Variants in KANSL1 observed in about 807,000 individuals in gnomAD.
KANSL1 encodes the protein KAT8 regulatory NSL complex subunit 1.
In KANSL1, 22 loss-of-function variants were observed where a neutral mutation model predicts 103.6. The ratio of observed to expected loss-of-function variants is 0.21; its 90% CI spans 0.15 to 0.30. The LOEUF (loss-of-function observed/expected upper bound fraction) is 0.30, where lower values mean the gene tolerates loss of function less well. KANSL1 is among the 10% of genes least tolerant of loss of function. KANSL1 has a pLI of 1.00. For synonymous variants in KANSL1, 600 were observed against 527.6 expected, an observed-to-expected ratio of 1.14 and a Z score of -1.88; for missense variants, 1,337 against 1,399.8, an observed-to-expected ratio of 0.96 and a Z score of 0.72.
At chr17:46,073,950 G>A (rs1361570079) in intron 4 of KANSL1, among the ~76,000 whole-genome samples, 2 of 151,984 alleles carry the variant, frequency 1.3e-5, no homozygotes, top group African/African-American at 2.4e-5. Context: ...ATGAACTTAC[G>A]GTTTTTTATA....
rs117412152 is a variant in KANSL1, at chr17:46,066,647, C to G, written c.1738G>C (p.Val580Leu). ...CAGGTGCCATCAGATGATGAAGAGACGAGATTCAGTCGTTGCTTCTTATGT... is the reference window on the plus strand; with the variant it reads ...CAGGTGCCATCAGATGATGAAGAGAGGAGATTCAGTCGTTGCTTCTTATGT... The part of the protein sequence containing the change: ...QLHKKQRLNL[V>L]SSSSDGTCVA... The change falls in exon 6 of 15, where the codon GTC becomes CTC. Residue 580 changes from valine (V) to leucine (L), a missense_variant. Transcript: ENST00000432791. 1.2e-6 allele frequency: 2 copies of G among 1,614,148 alleles called. No individual in the cohort carries two copies. Among genetic ancestry groups the G allele is most frequent in the Non-Finnish European group, 1.7e-6 (2 of 1,180,008 alleles).
Position 46,106,142 on chromosome 17 carries a change from G to GA in KANSL1, c.1290-11442dup, listed in dbSNP as rs1163942774. On this transcript the variant is annotated intron_variant, in intron 2 of 14. Coordinates refer to ENST00000432791, the MANE Select transcript of KANSL1 (RefSeq NM_015443.4). ...CTCACTTTGAAAATACGGTTTATTG[G>GA]AAAAGAGTATGGTGTCTGGAGTCAG... is the stretch of plus-strand genomic sequence containing the variant. Among the ~76,000 whole-genome samples, 5 of 152,304 alleles carry GA rather than the reference G, an allele frequency of 3.3e-5. No homozygotes were observed. In the East Asian group the frequency reaches 7.7e-4, roughly 24 times the overall value.
In KANSL1 at chr17:46,094,652, T is replaced by G. The variant is rs1394776124; in HGVS notation, c.1339A>C (p.Ser447Arg). 1 of 1,614,216 alleles carries G rather than the reference T, an allele frequency of 6.2e-7. No individual in the cohort carries two copies. Among genetic ancestry groups the G allele is most frequent in the Non-Finnish European group, 8.5e-7 (1 of 1,180,050 alleles). Residue 447 changes from serine to arginine, a missense_variant, in exon 3 of 15, where the codon AGC becomes CGC. Around this residue, in one of 2 missense-constraint regions of KANSL1, gnomAD observed 780 missense variants for 923.4 expected, o/e 0.84. Transcript: ENST00000432791. ...KWAADRAAIV[S>R]RWNWLQAHVS... The stretch of plus-strand genomic sequence containing the variant: ...TGAGCCTGAAGCCAGTTCCAGCGGC[T>G]GACAATAGCTGCCCGGTCTGCAGCC...
At chr17:46,152,395 A>G (rs1403484603) in intron 2 of KANSL1, among the ~76,000 whole-genome samples, 1 of 152,278 alleles carries the variant, frequency 6.6e-6, no homozygotes, top group East Asian at 1.9e-4. Context: ...ACTATCAAGA[A>G]AACAACAGAA....
At chr17:46,050,426 G>T (rs2077671920) in intron 7 of KANSL1, 107 bp downstream of exon 7, 1 of 1,161,678 alleles carries the variant, frequency 8.6e-7, no homozygotes, top group Non-Finnish European at 1.2e-6. Context: ...GACGAAAGTT[G>T]TACCTTGAAA....
chr17:46,219,894 G>C (rs2048468383), intron 1 of KANSL1, among the ~76,000 whole-genome samples: 1 of 152,142 alleles, frequency 6.6e-6, no homozygotes, highest in Admixed American at 6.5e-5. Flanking sequence ...ATGAGGTCAG[G>C]AGATCGAGAC....
At chr17:46,130,007 GA>G (rs1473277858) in intron 2 of KANSL1, among the ~76,000 whole-genome samples, 2 of 151,962 alleles carry the variant, frequency 1.3e-5, no homozygotes, top group African/African-American at 4.8e-5. Flanking sequence ...GCAACATGGT[GA>G]AATCCCATCT....
chr17:46,218,429 G>C (rs2942186), intron 1 of KANSL1, among the ~76,000 whole-genome samples: 1 of 152,152 alleles, frequency 6.6e-6, no homozygotes, highest in Non-Finnish European at 1.5e-5. Context: ...AGCTTACCCA[G>C]TATCACATAG....
chr17:46,113,965 A>G (rs530183518), intron 2 of KANSL1, among the ~76,000 whole-genome samples: 1 of 152,358 alleles, frequency 6.6e-6, no homozygotes, highest in Admixed American at 6.5e-5. Flanking sequence ...CAATTTTTAA[A>G]TGAGTAAAAT....
At chr17:46,209,948 A>G (rs1443768482) in intron 1 of KANSL1, among the ~76,000 whole-genome samples, 2 of 152,226 alleles carry the variant, frequency 1.3e-5, no homozygotes, top group Non-Finnish European at 2.9e-5. Context: ...CTTCTGACAT[A>G]TTAGGTACTC....
chr17:46,039,345 C>A (rs946085954), intron 8 of KANSL1, 130 bp from the exon 9 acceptor site: 2 of 832,050 alleles, frequency 2.4e-6, no homozygotes, highest in Non-Finnish European at 3.6e-6. Flanking sequence ...TCCTTCAGGA[C>A]TGAAGTTTCT....
chr17:46,136,150 A>G (rs573221898), intron 2 of KANSL1, among the ~76,000 whole-genome samples: 1 of 152,312 alleles, frequency 6.6e-6, no homozygotes, highest in African/African-American at 2.4e-5. Context: ...AAAACTCTAT[A>G]TGCTAATCAA....
intron 2 of KANSL1, among the ~76,000 whole-genome samples, chr17:46,153,184 A>G (rs1182877975): frequency 1.3e-5 from 2 of 152,208 alleles, no homozygotes; most frequent in African/African-American, 4.8e-5. Context: ...GAAAGTGCAA[A>G]CAAAGACATA....
At chr17:46,106,886 G>A (rs1303412106) in intron 2 of KANSL1, among the ~76,000 whole-genome samples, 2 of 152,234 alleles carry the variant, frequency 1.3e-5, no homozygotes, top group Non-Finnish European at 2.9e-5. Context: ...GCAAGGTGGT[G>A]TAGACTCTAT....
At chr17:46,035,703 G>A (rs2077126898) in intron 10 of KANSL1, 1 of 152,164 alleles carries the variant, frequency 6.6e-6, no homozygotes, top group Non-Finnish European at 1.5e-5. Flanking sequence ...TCTTAAGAAA[G>A]CCTCAAGAGA....
At chr17:46,078,735 T>C (rs993416530) in intron 4 of KANSL1, among the ~76,000 whole-genome samples, 3 of 152,054 alleles carry the variant, frequency 2.0e-5, no homozygotes, top group African/African-American at 7.2e-5. Flanking sequence ...TGCTCATTAC[T>C]TTTTCTTAAG....
rs1323176145 is a variant in KANSL1, at chr17:46,030,560, T to G, written c.*916A>C. On this transcript the variant is annotated 3_prime_UTR_variant, in exon 15 of 15. Transcript: ENST00000432791. ...ACTAACACCGACAGGGATCTGGATG[T>G]GAAGGAAACATGGCAAAGTGAATCA... 6.8e-6 allele frequency: 1 copy of G among 146,456 alleles called. No homozygotes were observed. The allele number at this position is 146,456 out of a possible 1,614,324, so 9.1% of individuals were successfully genotyped here. A position where few individuals can be genotyped will look rare whatever the true frequency, so the allele number is the denominator to read the frequency against.
At chr17:46,143,237 G>C (rs1372612709) in intron 2 of KANSL1, among the ~76,000 whole-genome samples, 1 of 152,216 alleles carries the variant, frequency 6.6e-6, no homozygotes, top group Non-Finnish European at 1.5e-5. Context: ...TTCTGTAGAA[G>C]TCATTATCTT....
chr17:46,062,355 CTTTTT>C (rs34577730), intron 6 of KANSL1, among the ~76,000 whole-genome samples: 1 of 95,470 alleles, frequency 1.0e-5, no homozygotes, highest in Non-Finnish European at 2.0e-5. Flanking sequence ...ATAACAACAG[CTTTTT>C]TTTTTTTTTT....
Sources: gnomAD v4.1 joint callset for allele counts (sites outside exome capture counted in the v4.1 genomes callset) on GRCh38, gnomAD v4.1.1 for gene constraint, gnomAD v4.1.1 regional missense constraint, MANE v1.5 for transcripts, NCBI Gene and HGNC (gene_info 2026-07-23, HGNC 2026-07-21) for gene names.